DDR2: variants seen among roughly 807,000 people sequenced by gnomAD.
DDR2 encodes discoidin domain receptor tyrosine kinase 2, also known as discoidin domain-containing receptor 2.
A neutral mutation model predicts 94.9 loss-of-function variants in DDR2; 27 were observed. The observed-to-expected ratio is 0.28, with a 90% confidence interval of 0.21 to 0.39. DDR2 has a LOEUF of 0.39. DDR2 is among the 10% of genes least tolerant of loss of function. The pLI is 1.00. For missense variants in DDR2, 783 were observed against 1,076.0 expected (o/e 0.73, Z 3.81); for synonymous variants, 382 against 377.2 (o/e 1.01, Z -0.15).
intron 2 of DDR2, among the ~76,000 whole-genome samples, chr1:162,660,743 G>A (rs1658252017): frequency 6.6e-6 from 1 of 152,220 alleles, no homozygotes; most frequent in Non-Finnish European, 1.5e-5. Flanking sequence ...TATGACAGGA[G>A]TTGGAAAACT....
intron 1 of DDR2, among the ~76,000 whole-genome samples, chr1:162,650,299 A>T (rs1477661206): frequency 6.8e-6 from 1 of 146,920 alleles, no homozygotes; most frequent in African/African-American, 2.5e-5. Context: ...TAAAAAAAAA[A>T]TAATAATAAT....
At chr1:162,729,812 C>G (rs368494291) in intron 3 of DDR2, among the ~76,000 whole-genome samples, 1 of 151,712 alleles carries the variant, frequency 6.6e-6, no homozygotes, top group African/African-American at 2.4e-5. Flanking sequence ...GGCGCAATCT[C>G]GGCTCACTGC....
intron 2 of DDR2, among the ~76,000 whole-genome samples, chr1:162,677,815 C>T (rs150238001): frequency 6.6e-6 from 1 of 152,332 alleles, no homozygotes; most frequent in Non-Finnish European, 1.5e-5. Flanking sequence ...CACTTCCCCA[C>T]CTGCTGGATA....
At chr1:162,677,943 ATTTTTTATTT>A (rs927878423) in intron 2 of DDR2, among the ~76,000 whole-genome samples, 48 of 152,034 alleles carry the variant, frequency 3.2e-4, no homozygotes, top group South Asian at 1.9e-3. Context: ...AGGTTTTTTT[ATTTTTTATTT>A]TTTTTTATTT....
At chr1:162,671,635 T>A (rs1321145416) in intron 2 of DDR2, among the ~76,000 whole-genome samples, 1 of 152,160 alleles carries the variant, frequency 6.6e-6, no homozygotes, top group East Asian at 1.9e-4. Flanking sequence ...GCTTTGGTTC[T>A]CTCTTCCTAG....
At chr1:162,674,488 G>C (rs1659034827) in intron 2 of DDR2, among the ~76,000 whole-genome samples, 1 of 152,310 alleles carries the variant, frequency 6.6e-6, no homozygotes, top group East Asian at 1.9e-4. Context: ...ATTAATGAAT[G>C]AATAACAGAA....
At position 162,780,315 on chromosome 1, in the gene DDR2, C is replaced by T; in HGVS notation, c.*69C>T. 6.2e-7 allele frequency: 1 copy of T among 1,605,604 alleles called. No individual in the cohort carries two copies. The highest frequency in any genetic ancestry group is 8.5e-7 in the Non-Finnish European group (1 of 1,174,282). ...TACAAGACCTACCACTCACCCATGCCTATGCCACTCCATCTGGACATTTAA... is the reference window on the plus strand; with the variant it reads ...TACAAGACCTACCACTCACCCATGCTTATGCCACTCCATCTGGACATTTAA... On this transcript the variant is annotated 3_prime_UTR_variant, in exon 18 of 18. Transcript: ENST00000367921.
At chr1:162,689,574 ATT>A (rs66495803) in intron 2 of DDR2, among the ~76,000 whole-genome samples, 78 of 147,344 alleles carry the variant, frequency 5.3e-4, no homozygotes, top group Non-Finnish European at 4.3e-4. Context: ...GGTCTCACTT[ATT>A]TTTTTTTTTT....
chr1:162,703,427 A>G (rs1660518539), intron 2 of DDR2, among the ~76,000 whole-genome samples: 2 of 152,164 alleles, frequency 1.3e-5, no homozygotes, highest in South Asian at 2.1e-4. Context: ...AGGGAGGAAG[A>G]GAGGATAGAT....
chr1:162,698,354 C>T (rs1259618447), intron 2 of DDR2, among the ~76,000 whole-genome samples: 1 of 152,106 alleles, frequency 6.6e-6, no homozygotes, highest in African/African-American at 2.4e-5. Context: ...GCTCAAAGCG[C>T]GAGGGAGGCA....
chr1:162,735,657 G>C (rs1250198601), intron 3 of DDR2, among the ~76,000 whole-genome samples: 2 of 152,198 alleles, frequency 1.3e-5, no homozygotes, highest in African/African-American at 4.8e-5. Context: ...CCACATAGCA[G>C]AGTATCCTAT....
intron 1 of DDR2, among the ~76,000 whole-genome samples, chr1:162,649,808 G>C (rs1172647324): frequency 6.6e-6 from 1 of 152,206 alleles, no homozygotes; most frequent in Admixed American, 6.5e-5. Context: ...ACAGCAACTA[G>C]TTCAGTTGCT....
chr1:162,681,356 G>A (rs557288501), intron 2 of DDR2, among the ~76,000 whole-genome samples: 38 of 152,050 alleles, frequency 2.5e-4, no homozygotes, highest in Non-Finnish European at 4.1e-4. Context: ...AGTTACCCAG[G>A]TCCTCTCCTC....
At chr1:162,669,294 G>A (rs1049587877) in intron 2 of DDR2, among the ~76,000 whole-genome samples, 5 of 152,108 alleles carry the variant, frequency 3.3e-5, no homozygotes, top group South Asian at 2.1e-4. Flanking sequence ...GGGGAAAAAC[G>A]TTGTTTGTAA....
chr1:162,781,703 G>C lies in DDR2; in HGVS notation c.*1457G>C, dbSNP rs1647916545. 1.3e-5 allele frequency: 2 copies of C among 152,176 alleles called. No individual in the cohort carries two copies. The highest frequency in any genetic ancestry group is 2.9e-5 in the Non-Finnish European group (2 of 68,044). 9.4% of individuals were successfully genotyped at this position (152,176 alleles called of 1,614,324 possible). A position where few individuals can be genotyped will look rare whatever the true frequency, so the allele number is the denominator to read the frequency against. The stretch of plus-strand genomic sequence containing the variant: ...CAGGGCTGTGGCTTCAGAATTCATG[G>C]AAACAGAGCCACTGTCAAGAAGGAA... On this transcript the variant is annotated 3_prime_UTR_variant, in exon 18 of 18. Coordinates refer to ENST00000367921, the MANE Select transcript of DDR2 (RefSeq NM_006182.4).
intron 10 of DDR2, among the ~76,000 whole-genome samples, chr1:162,766,856 A>AC (rs1448303257): frequency 1.1e-4 from 17 of 152,018 alleles, no homozygotes; most frequent in Non-Finnish European, 2.2e-4. Flanking sequence ...ACATGGAGAA[A>AC]CCCCATCTCT....
intron 7 of DDR2, among the ~76,000 whole-genome samples, chr1:162,756,304 A>G (rs1663463852): frequency 1.3e-5 from 2 of 152,222 alleles, no homozygotes; most frequent in African/African-American, 2.4e-5. Context: ...GAAGAAAGGA[A>G]GCAGGGCTGA....
chr1:162,766,178 G>A, intron 10 of DDR2, 115 bp downstream of exon 10: 1 of 1,082,820 alleles, frequency 9.2e-7, no homozygotes. Context: ...AGTTGGCTTT[G>A]GATGAAGAGT....
chr1:162,675,663 G>A lies in DDR2; in HGVS notation c.-28+20289G>A, dbSNP rs147218381. Among the ~76,000 whole-genome samples, 746 of 152,330 alleles carry A rather than the reference G, an allele frequency of 4.9e-3. 4 individuals are homozygous for A. The highest frequency in any genetic ancestry group is 0.017 in the African/African-American group (711 of 41,582). On this transcript the variant is annotated intron_variant, in intron 2 of 17. Transcript: ENST00000367921. ...AAAGACAGCTGAGTTGCTGGGACAG[G>A]TGAGATCATGGAAGGCCTTGTGTAT... is the stretch of plus-strand genomic sequence containing the variant.
Sources: allele counts gnomAD v4.1 joint callset (sites outside exome capture counted in the v4.1 genomes callset), GRCh38; gene constraint gnomAD v4.1.1; transcripts MANE v1.5; gene names NCBI Gene and HGNC (gene_info 2026-07-23, HGNC 2026-07-21).